The following ARHGAP23 variants were observed in gnomAD, a reference collection of about 807,000 sequenced individuals.
ARHGAP23 encodes rho GTPase-activating protein 23.
ARHGAP23 carries 34 observed loss-of-function variants against 136.3 expected under a neutral mutation model. That is an observed-to-expected ratio of 0.25 (90% CI 0.19 to 0.33). The LOEUF is 0.33. Among genes scored for constraint, ARHGAP23 ranks in the 10% least tolerant of loss-of-function variants. ARHGAP23 has a pLI of 1.00. For missense variants in ARHGAP23, 1,808 were observed against 2,139.0 expected (o/e 0.85, Z 3.05); for synonymous variants, 832 against 920.5 (o/e 0.90, Z 1.74).
In ARHGAP23 at chr17:38,478,307, TG is replaced by T. The variant is rs552612033; in HGVS notation, c.2436+412del. 4.8e-3 allele frequency among the ~76,000 whole-genome samples: 730 copies of T among 152,268 alleles called. 5 individuals are homozygous for T. Among genetic ancestry groups the T allele is most frequent in the African/African-American group, 0.017 (701 of 41,550 alleles). Reference sequence around the variant, plus strand: ...GCACCAGAACTGCACTGGGCTGGCCTGTCTGCAGAAGGATGAGCACATTGAC... The same window carrying T: ...GCACCAGAACTGCACTGGGCTGGCCTTCTGCAGAAGGATGAGCACATTGAC... On this transcript the variant is annotated intron_variant, in intron 12 of 23. Coordinates refer to ENST00000622683, the MANE Select transcript of ARHGAP23 (RefSeq NM_001199417.2).
At chr17:38,506,638 C>G (rs56123391) in intron 23 of ARHGAP23, among the ~76,000 whole-genome samples, 33,241 of 152,040 alleles carry the variant, frequency 0.22, 3,811 homozygotes, top group East Asian at 0.45. Context: ...CAAGGCAAGG[C>G]AGAAAGAAAA....
chr17:38,455,146 GACTC>G (rs2039293181), intron 1 of ARHGAP23, among the ~76,000 whole-genome samples: 1 of 152,216 alleles, frequency 6.6e-6, no homozygotes, highest in African/African-American at 2.4e-5. Context: ...ATGAGAACAA[GACTC>G]AGTTCTGTCC....
In ARHGAP23 at chr17:38,467,342, G is replaced by A. The variant is rs1465975942; in HGVS notation, c.1648+11G>A. On this transcript the variant is annotated intron_variant, in intron 7 of 23. Transcript: ENST00000622683. ...CCATCCCCTTTATTGGTGAGTGATG[G>A]TACATGTGGCTGTCCTGGGGGACTT... 1 of 1,463,714 alleles carries A rather than the reference G, an allele frequency of 6.8e-7. No homozygotes were observed. The highest frequency in any genetic ancestry group is 9.0e-7 in the Non-Finnish European group (1 of 1,105,684). 90.7% of individuals were successfully genotyped at this position (1,463,714 alleles called of 1,614,324 possible).
intron 6 of ARHGAP23, among the ~76,000 whole-genome samples, chr17:38,465,033 C>T (rs973148134): frequency 2.0e-4 from 30 of 148,080 alleles, no homozygotes; most frequent in Admixed American, 6.7e-4. Flanking sequence ...GGAGGGCAGA[C>T]GGAGGGGGAC....
intron 13 of ARHGAP23, 96 bp from the exon 14 acceptor site, chr17:38,479,657 G>C (rs1309693782): frequency 5.8e-5 from 83 of 1,424,220 alleles, no homozygotes; most frequent in Non-Finnish European, 7.8e-5. Context: ...TTGCCTCAGG[G>C]TGGAGGGGAG....
rs1368502674 is a variant in ARHGAP23 at position 38,463,132 on chromosome 17, A to C, written c.364A>C (p.Lys122Gln). The change falls in exon 5 of 24, where the codon AAG (lysine) becomes CAG (glutamine). Residue 122 changes from lysine (K) to glutamine (Q), a missense_variant. Coordinates refer to ENST00000622683, the MANE Select transcript of ARHGAP23 (RefSeq NM_001199417.2). ...CTTGTCCCCAGGAGACCGGCTGGTA[A>C]AGGTGAATGGGGAAAGCGTCATTGG... ...AGLRTGDRLV[K>Q]VNGESVIGKT... The C allele has an allele frequency of 6.4e-7, 1 of 1,551,398 alleles. No homozygotes were observed. The highest frequency in any genetic ancestry group is 1.4e-5 in the African/African-American group (1 of 73,120).
intron 1 of ARHGAP23, among the ~76,000 whole-genome samples, chr17:38,430,277 T>C (rs1450233690): frequency 1.3e-5 from 2 of 151,898 alleles, no homozygotes; most frequent in Non-Finnish European, 1.5e-5. Context: ...TTGAGGGTAG[T>C]CAGGGCACAA....
intron 11 of ARHGAP23, among the ~76,000 whole-genome samples, chr17:38,474,110 T>G (rs1034221761): frequency 5.9e-5 from 9 of 152,184 alleles, no homozygotes; most frequent in Admixed American, 5.2e-4. Flanking sequence ...TAGTAGAGAC[T>G]GGGTTTCACT....
At chr17:38,490,276 C>A in intron 18 of ARHGAP23, 101 bp downstream of exon 18, 1 of 1,293,746 alleles carries the variant, frequency 7.7e-7, no homozygotes, top group Non-Finnish European at 1.1e-6. Flanking sequence ...ACCCCTGTGG[C>A]CTTGGAGAAG....
chr17:38,440,889 TG>T (rs2038905499), intron 1 of ARHGAP23, among the ~76,000 whole-genome samples: 2 of 152,176 alleles, frequency 1.3e-5, no homozygotes, highest in Admixed American at 6.5e-5. Flanking sequence ...GACCTGGTGC[TG>T]GGGTGGTCAG....
Position 38,469,860 on chromosome 17 carries a change from C to G in ARHGAP23, c.1930C>G (p.Arg644Gly), listed in dbSNP as rs751152407. ...CTCGCTTTCCAGGCGCCTGCCAAAC[C>G]GCATACCCAGCCTGCGGATGCTCCG... The part of the protein sequence containing the change: ...EGRVLRRLPN[R>G]IPSLRMLRSF... The change falls in exon 10 of 24, where the codon CGC becomes GGC. Residue 644 changes from arginine to glycine, a missense_variant. Around this residue, in one of 7 missense-constraint regions of ARHGAP23, gnomAD observed 859 missense variants for 936.4 expected, o/e 0.92. Coordinates refer to ENST00000622683, the MANE Select transcript of ARHGAP23 (RefSeq NM_001199417.2). The G allele has an allele frequency of 4.5e-6, 7 of 1,551,566 alleles. No individual in the cohort carries two copies. The highest frequency in any genetic ancestry group is 1.4e-5 in the African/African-American group (1 of 73,066).
chr17:38,456,777 T>C (rs957252824), intron 1 of ARHGAP23, among the ~76,000 whole-genome samples: 7 of 152,200 alleles, frequency 4.6e-5, no homozygotes, highest in African/African-American at 1.7e-4. Flanking sequence ...AGGCACTGTT[T>C]TTCTTCTTGC....
At chr17:38,434,337 G>A (rs1413410291) in intron 1 of ARHGAP23, among the ~76,000 whole-genome samples, 3 of 152,362 alleles carry the variant, frequency 2.0e-5, no homozygotes, top group East Asian at 1.9e-4. Flanking sequence ...TCCGGGGGTC[G>A]GGGAACAGTG....
In ARHGAP23 at chr17:38,469,214, C is replaced by T. The variant is rs1247461534; in HGVS notation, c.1719C>T (p.Ala573=). 1.3e-6 allele frequency: 2 copies of T among 1,551,686 alleles called. No individual in the cohort carries two copies. The highest frequency in any genetic ancestry group is 1.7e-6 in the Non-Finnish European group (2 of 1,146,864). The change falls in exon 8 of 24, where the codon GCC becomes GCT. Residue 573 remains alanine (A), a synonymous_variant. Coordinates refer to ENST00000622683, the MANE Select transcript of ARHGAP23 (RefSeq NM_001199417.2). ...CTGCCTCTGCTGTGGTCTCCAGTGCCATGAACTCAGCCCCTGTCCTGGGCA... is the reference window on the plus strand; with the variant it reads ...CTGCCTCTGCTGTGGTCTCCAGTGCTATGAACTCAGCCCCTGTCCTGGGCA... ...HVPASAVVSS[A]MNSAPVLGTS... is the part of the protein sequence containing the mutation.
chr17:38,441,586 A>G (rs1555577550), intron 1 of ARHGAP23, among the ~76,000 whole-genome samples: 1 of 152,266 alleles, frequency 6.6e-6, no homozygotes, highest in Non-Finnish European at 1.5e-5. Context: ...GATGAGGCGT[A>G]TAATGAGGTG....
chr17:38,425,901 T>G (rs2038564991), upstream of ARHGAP23, among the ~76,000 whole-genome samples: 1 of 151,700 alleles, frequency 6.6e-6, no homozygotes. Flanking sequence ...AGCCGCACTT[T>G]CTGGGAAGTG....
chr17:38,470,410 G>A lies in ARHGAP23; in HGVS notation c.1974+506G>A, dbSNP rs1276501574. Among the ~76,000 whole-genome samples the A allele has an allele frequency of 2.6e-5, 4 of 152,214 alleles. No homozygotes were observed. The South Asian group carries it at 8.3e-4, about 32-fold the overall frequency. On this transcript the variant is annotated intron_variant, in intron 10 of 23. Coordinates refer to ENST00000622683, the MANE Select transcript of ARHGAP23 (RefSeq NM_001199417.2). Reference sequence around the variant, plus strand: ...TCAGTCAGTATTTGCATCGCGTCTTGTCTTCATGGGATGGGGTCGGGGTGG... The same window carrying A: ...TCAGTCAGTATTTGCATCGCGTCTTATCTTCATGGGATGGGGTCGGGGTGG...
At chr17:38,465,558 C>T (rs1047416162) in intron 6 of ARHGAP23, among the ~76,000 whole-genome samples, 27 of 152,254 alleles carry the variant, frequency 1.8e-4, no homozygotes, top group African/African-American at 6.0e-4. Flanking sequence ...GCGTCAGCCT[C>T]AGCTCCCAGT....
intron 1 of ARHGAP23, chr17:38,457,819 A>G: frequency 1.8e-6 from 1 of 545,580 alleles, no homozygotes; most frequent in Non-Finnish European, 3.3e-6. Context: ...ACTCAGCTGA[A>G]CTGAACTGAA....
Sources: allele counts gnomAD v4.1 joint callset (sites outside exome capture counted in the v4.1 genomes callset), GRCh38; gene constraint gnomAD v4.1.1; regional missense constraint gnomAD v4.1.1; transcripts MANE v1.5; gene names NCBI Gene and HGNC (gene_info 2026-07-23, HGNC 2026-07-21).